The following STARD9 variants were observed in gnomAD, a reference collection of about 807,000 sequenced individuals.
The protein encoded by STARD9 is stAR-related lipid transfer protein 9.
Under a neutral mutation model 399.8 loss-of-function variants are expected in STARD9, and 346 were observed. That is an observed-to-expected ratio of 0.87 (90% CI 0.79 to 0.95). STARD9 has a LOEUF of 0.95. Ranked by LOEUF, STARD9 falls within the 40% of genes least tolerant of loss-of-function variation. The pLI is 0.00. For synonymous variants in STARD9, 2,203 were observed against 2,143.5 expected (o/e 1.03, Z -0.77); for missense variants, 5,832 against 5,667.5 (o/e 1.03, Z -0.93).
intron 16 of STARD9, chr15:42,671,499 C>T (rs991339043): frequency 6.6e-6 from 1 of 152,008 alleles, no homozygotes; most frequent in South Asian, 2.1e-4. Context: ...GTCGTACATT[C>T]TAAACTAATC....
intron 3 of STARD9, among the ~76,000 whole-genome samples, chr15:42,587,613 C>T (rs949208894): frequency 6.6e-6 from 1 of 152,108 alleles, no homozygotes; most frequent in African/African-American, 2.4e-5. Flanking sequence ...GTTGCCCAGC[C>T]TGGAGTGCAA....
chr15:42,630,000 C>CTTTTTTTTTTTT (rs1158967224), intron 3 of STARD9: 4 of 124,294 alleles, frequency 3.2e-5, no homozygotes, highest in Non-Finnish European at 3.3e-5. Context: ...TCTTTTTTTT[C>CTTTTTTTTTTTT]TTTTTTTTTT....
Position 42,652,501 on chromosome 15 carries a change from T to C in STARD9, c.630-19T>C, listed in dbSNP as rs2059782854. Reference sequence around the variant, plus strand: ...GTGTAAACAATCCTCGTCCTAACAGTTTTTCCTTGTATACACAGAATCACA... The same window carrying C: ...GTGTAAACAATCCTCGTCCTAACAGCTTTTCCTTGTATACACAGAATCACA... On this transcript the variant is annotated intron_variant, in intron 8 of 32. Coordinates refer to ENST00000290607, the MANE Select transcript of STARD9 (RefSeq NM_020759.3). 9 of 1,535,606 alleles carry C rather than the reference T, an allele frequency of 5.9e-6. No individual in the cohort carries two copies. The East Asian group carries it at 2.2e-4, about 38-fold the overall frequency.
intron 3 of STARD9, among the ~76,000 whole-genome samples, chr15:42,595,757 A>T (rs915962106): frequency 6.6e-6 from 1 of 152,104 alleles, no homozygotes; most frequent in African/African-American, 2.4e-5. Context: ...AGTCGAAGGG[A>T]GAGAAGTTTA....
At chr15:42,638,164 C>G in intron 6 of STARD9, 77 bp downstream of exon 6, 1 of 1,326,716 alleles carries the variant, frequency 7.5e-7, no homozygotes, top group Non-Finnish European at 1.0e-6. Context: ...GCTGTCCTCT[C>G]TTTGCTTCCA....
chr15:42,713,073 G>A (rs993008080), intron 26 of STARD9, among the ~76,000 whole-genome samples: 8 of 152,290 alleles, frequency 5.3e-5, no homozygotes, highest in African/African-American at 1.9e-4. Flanking sequence ...CTTTAGCTCT[G>A]TGAATATGGG....
intron 3 of STARD9, among the ~76,000 whole-genome samples, chr15:42,608,943 G>A (rs554856539): frequency 6.6e-5 from 10 of 152,302 alleles, no homozygotes; most frequent in African/African-American, 2.2e-4. Context: ...AGTGTTAACC[G>A]AGCATGCACT....
At position 42,718,768 on chromosome 15, in the gene STARD9, T is replaced by C; in HGVS notation, c.13859T>C (p.Met4620Thr). 1 of 1,537,228 alleles carries C rather than the reference T, an allele frequency of 6.5e-7. No individual in the cohort carries two copies. Among genetic ancestry groups the C allele is most frequent in the Non-Finnish European group, 8.7e-7 (1 of 1,146,894 alleles). Residue 4620 changes from methionine to threonine, a missense_variant, in exon 32 of 33, where the codon ATG (methionine) becomes ACG (threonine). Met to Thr is a moderately conservative substitution (Grantham distance 81). This residue lies in a region of STARD9 where 5,828 missense variants were observed against 5,651.1 expected (regional missense o/e 1.03). Transcript: ENST00000290607. ...TGTCCCCAGGGTCACCTGTCTGTCATGGCAGCCCAGTCTGTGTATGATACA... is the reference window on the plus strand; with the variant it reads ...TGTCCCCAGGGTCACCTGTCTGTCACGGCAGCCCAGTCTGTGTATGATACA... The part of the protein sequence containing the change: ...VEAKEGHLSV[M>T]AAQSVYDTSM...
chr15:42,669,096 C>G, intron 15 of STARD9, 62 bp from the exon 16 acceptor site: 1 of 1,376,532 alleles, frequency 7.3e-7, no homozygotes, highest in Non-Finnish European at 9.8e-7. Context: ...ATTGTAATGA[C>G]TTCTGACCTT....
intron 3 of STARD9, among the ~76,000 whole-genome samples, chr15:42,609,068 C>T (rs545886110): frequency 6.7e-4 from 102 of 152,108 alleles, no homozygotes; most frequent in African/African-American, 2.3e-3. Context: ...TCCGGGCATC[C>T]CTAGATCTAG....
intron 3 of STARD9, among the ~76,000 whole-genome samples, chr15:42,606,698 G>A (rs1255648601): frequency 6.6e-6 from 1 of 151,678 alleles, no homozygotes. Flanking sequence ...CTGGGCTCAG[G>A]TGGTCCTCCC....
In STARD9 at chr15:42,575,906, C is replaced by T. The variant is rs1390742041; in HGVS notation, c.47+144C>T. ...GGTCGGGGTCCGGAATCCACGGAGG[C>T]CTGGCGGGACGGGACCTCAGTCGAG... On this transcript the variant is annotated intron_variant, in intron 1 of 32. Transcript: ENST00000290607. The T allele has an allele frequency of 3.3e-6, 3 of 919,838 alleles. No individual in the cohort carries two copies. In the African/African-American group the frequency reaches 4.9e-5, roughly 15 times the overall value. 57.0% of individuals were successfully genotyped at this position (919,838 alleles called of 1,614,324 possible).
chr15:42,713,944 A>C (rs1197019265), intron 26 of STARD9, among the ~76,000 whole-genome samples: 1 of 152,158 alleles, frequency 6.6e-6, no homozygotes, highest in Non-Finnish European at 1.5e-5. Context: ...GAATCTGGGA[A>C]GGATTGGTAT....
chr15:42,718,054 G>A lies in STARD9; in HGVS notation c.13637G>A (p.Gly4546Asp). 2 of 1,537,204 alleles carry A rather than the reference G, an allele frequency of 1.3e-6. No individual in the cohort carries two copies. Among genetic ancestry groups the A allele is most frequent in the South Asian group, 2.4e-5 (2 of 84,054 alleles). ...ACTCGGCATGGCTTCCTGGGGGCAGGTGTGGTGTCCCAGCCGCTGTCTCGT... is the reference window on the plus strand; with the variant it reads ...ACTCGGCATGGCTTCCTGGGGGCAGATGTGGTGTCCCAGCCGCTGTCTCGT... ...SPTRHGFLGA[G>D]VVSQPLSRVW... Residue 4546 changes from glycine (G) to aspartate (D), a missense_variant, in exon 30 of 33, where the codon GGT (glycine) becomes GAT (aspartate). Transcript: ENST00000290607.
intron 3 of STARD9, among the ~76,000 whole-genome samples, chr15:42,619,432 G>T (rs902991860): frequency 2.6e-5 from 4 of 151,962 alleles, no homozygotes; most frequent in Non-Finnish European, 5.9e-5. Context: ...GGGCATGGTG[G>T]CACACATCTG....
At chr15:42,603,107 C>A (rs2058662331) in intron 3 of STARD9, among the ~76,000 whole-genome samples, 1 of 152,034 alleles carries the variant, frequency 6.6e-6, no homozygotes, top group South Asian at 2.1e-4. Flanking sequence ...TATGTTGGCT[C>A]CAATTATTCT....
At chr15:42,617,540 A>C (rs1265736999) in intron 3 of STARD9, among the ~76,000 whole-genome samples, 1 of 152,078 alleles carries the variant, frequency 6.6e-6, no homozygotes, top group Non-Finnish European at 1.5e-5. Flanking sequence ...AATTGGATTC[A>C]AGAATGAAAG....
intron 26 of STARD9, among the ~76,000 whole-genome samples, chr15:42,707,483 T>C (rs1304162398): frequency 1.3e-5 from 2 of 151,840 alleles, no homozygotes; most frequent in Non-Finnish European, 2.9e-5. Context: ...TTTTTTTTTT[T>C]TTTTGAGACA....
In STARD9 at chr15:42,652,581, C is replaced by T. The variant is rs372615635; in HGVS notation, c.691C>T (p.His231Tyr). ...CAGATCCCACGCCATTTTCACGATC[C>T]ACTACACGCAGGTTGGTAACTCCTT... ...SSRSHAIFTI[H>Y]YTQAILENNL... The change falls in exon 9 of 33, where the codon CAC becomes TAC. Residue 231 changes from histidine to tyrosine, a missense_variant. Physicochemically the swap from His to Tyr is moderately conservative, Grantham distance 83. Coordinates refer to ENST00000290607, the MANE Select transcript of STARD9 (RefSeq NM_020759.3). The T allele has an allele frequency of 1.2e-5, 18 of 1,536,628 alleles. No individual in the cohort carries two copies. In the African/African-American group the frequency reaches 1.5e-4, roughly 13 times the overall value.
Sources: gnomAD v4.1 joint callset for allele counts (sites outside exome capture counted in the v4.1 genomes callset) on GRCh38, gnomAD v4.1.1 for gene constraint, gnomAD v4.1.1 regional missense constraint, MANE v1.5 for transcripts, NCBI Gene and HGNC (gene_info 2026-07-23, HGNC 2026-07-21) for gene names.